Variants in KLHDC4 observed in about 807,000 individuals in gnomAD.
KLHDC4 encodes kelch domain containing 4.
A neutral mutation model predicts 62.4 loss-of-function variants in KLHDC4; 90 were observed. The observed-to-expected ratio is 1.44, with a 90% CI of 1.22 to 1.72. The LOEUF is 1.72. Among genes scored for constraint, KLHDC4 ranks in the 40% most tolerant of loss-of-function variants. The probability of loss-of-function intolerance (pLI) is 0.00; values close to 1 mark genes in which losing one functional copy is unlikely to be tolerated. For missense variants in KLHDC4, 1,025 were observed against 699.7 expected, an observed-to-expected ratio of 1.47 and a Z score of -5.25; for synonymous variants, 386 against 284.4, an observed-to-expected ratio of 1.36 and a Z score of -3.59.
At chr16:87,755,843 G>A (rs988009546) in intron 3 of KLHDC4, 1 of 163,524 alleles carries the variant, frequency 6.1e-6, no homozygotes, top group Admixed American at 5.7e-5. Context: ...GGGATTACAG[G>A]CATGAGCCAC....
chr16:87,729,275 G>A (rs1471661716), intron 6 of KLHDC4: 2 of 152,188 alleles, frequency 1.3e-5, no homozygotes, highest in Admixed American at 6.5e-5. Flanking sequence ...TATCACGATG[G>A]ATCAAGAATC....
chr16:87,707,254 G>A (rs1385782921), downstream of KLHDC4, among the ~76,000 whole-genome samples: 1 of 152,250 alleles, frequency 6.6e-6, no homozygotes, highest in Admixed American at 6.5e-5. Flanking sequence ...AGGAGGAGCT[G>A]GATGGGGACA....
At chr16:87,734,723 G>A (rs927608305) in intron 5 of KLHDC4, among the ~76,000 whole-genome samples, 1 of 152,148 alleles carries the variant, frequency 6.6e-6, no homozygotes, top group African/African-American at 2.4e-5. Context: ...ATACCCAGCA[G>A]GATCTCAGCT....
At chr16:87,706,327 G>C (rs916555506), downstream of KLHDC4, among the ~76,000 whole-genome samples, 1 of 133,714 alleles carries the variant, frequency 7.5e-6, no homozygotes, top group Non-Finnish European at 1.6e-5. Context: ...GCAGCCCTCG[G>C]AGAGGGGGAA....
exon 1 of KLHDC4, chr16:87,702,292 G>A (rs773159164): frequency 1.1e-5 from 5 of 456,328 alleles, no homozygotes. Context: ...TGGCAAGGAG[G>A]GCCGGTCTGC....
chr16:87,720,490 G>T (rs550218936), intron 7 of KLHDC4, among the ~76,000 whole-genome samples: 1 of 152,198 alleles, frequency 6.6e-6, no homozygotes, highest in African/African-American at 2.4e-5. Flanking sequence ...GCGACCGCAC[G>T]CACCGTGCCC....
rs1326401711 is a variant in KLHDC4, at chr16:87,748,727, T to G, written c.452A>C (p.His151Pro). The G allele has an allele frequency of 1.2e-6, 2 of 1,613,444 alleles. No individual in the cohort carries two copies. The highest frequency in any genetic ancestry group is 1.7e-6 in the Non-Finnish European group (2 of 1,179,940). Residue 151 changes from histidine (H) to proline (P), a missense_variant, in exon 5 of 12, where the codon CAC becomes CCC. Physicochemically the swap from His to Pro is moderately conservative, Grantham distance 77. Coordinates refer to ENST00000270583, the MANE Select transcript of KLHDC4 (RefSeq NM_017566.4). ...FASPNGEQFY[H>P]YKDLWVLHLA... is the part of the protein sequence containing the mutation. ...ATGCAGGACCCAGAGATCCTTGTAG[T>G]GGTAGAACTGCTCTCCGTTGGGAGA... is the stretch of plus-strand genomic sequence containing the variant.
intron 5 of KLHDC4, among the ~76,000 whole-genome samples, chr16:87,744,824 C>G (rs982112848): frequency 1.3e-5 from 2 of 151,916 alleles, no homozygotes; most frequent in Non-Finnish European, 2.9e-5. Context: ...TGTGCACGCA[C>G]CAGGTTCTCC....
At chr16:87,733,442 G>A (rs969487458) in intron 5 of KLHDC4, among the ~76,000 whole-genome samples, 1 of 152,204 alleles carries the variant, frequency 6.6e-6, no homozygotes, top group Non-Finnish European at 1.5e-5. Context: ...AATGGCTTTG[G>A]GCTGCAACAT....
chr16:87,708,674 C>A (rs1388303737), intron 10 of KLHDC4: 4 of 415,986 alleles, frequency 9.6e-6, no homozygotes, highest in Non-Finnish European at 1.7e-5. Flanking sequence ...TCCGAGACGG[C>A]AAACATGCAA....
chr16:87,729,679 G>A (rs2039995251), intron 6 of KLHDC4, among the ~76,000 whole-genome samples: 1 of 152,246 alleles, frequency 6.6e-6, no homozygotes, highest in African/African-American at 2.4e-5. Context: ...ACACCCACGT[G>A]ACATCAAAAG....
intron 4 of KLHDC4, among the ~76,000 whole-genome samples, chr16:87,749,993 T>C (rs1303899187): frequency 1.3e-5 from 2 of 152,106 alleles, no homozygotes; most frequent in Non-Finnish European, 2.9e-5. Flanking sequence ...CAGCAGGGGA[T>C]GCTGAGGAGA....
At chr16:87,705,676 A>C (rs571351364), downstream of KLHDC4, among the ~76,000 whole-genome samples, 46 of 152,382 alleles carry the variant, frequency 3.0e-4, no homozygotes, top group African/African-American at 1.1e-3. Flanking sequence ...CTACATTGAA[A>C]GCCAACAAGA....
At chr16:87,714,437 G>C in intron 8 of KLHDC4, 61 bp downstream of exon 8, 1 of 1,605,208 alleles carries the variant, frequency 6.2e-7, no homozygotes, top group East Asian at 2.2e-5. Flanking sequence ...GAGGGTGTGG[G>C]CTCTGCCTCC....
At chr16:87,730,006 T>G (rs2040058867) in intron 6 of KLHDC4, among the ~76,000 whole-genome samples, 3 of 152,168 alleles carry the variant, frequency 2.0e-5, no homozygotes, top group African/African-American at 7.2e-5. Flanking sequence ...CAGGCTGGAG[T>G]TCAGTGGCAT....
chr16:87,765,759 G>T (rs375617013), intron 1 of KLHDC4, 33 bp downstream of exon 1: 11 of 1,545,952 alleles, frequency 7.1e-6, no homozygotes, highest in African/African-American at 2.7e-5. Context: ...CGGCCGCGAC[G>T]TCGGGCCGCT....
chr16:87,751,512 G>A (rs1330498531), intron 4 of KLHDC4, among the ~76,000 whole-genome samples: 6 of 151,830 alleles, frequency 4.0e-5, no homozygotes, highest in Non-Finnish European at 8.8e-5. Flanking sequence ...TATGTGCAGA[G>A]AAAACATGCA....
chr16:87,712,913 T>G (rs952235895), intron 8 of KLHDC4, among the ~76,000 whole-genome samples: 1 of 152,244 alleles, frequency 6.6e-6, no homozygotes, highest in Non-Finnish European at 1.5e-5. Flanking sequence ...ATAAGAGAGC[T>G]GTCCCCTGGT....
chr16:87,747,185 A>C (rs1279983535), intron 5 of KLHDC4, among the ~76,000 whole-genome samples: 2 of 152,212 alleles, frequency 1.3e-5, no homozygotes, highest in Non-Finnish European at 1.5e-5. Flanking sequence ...GTCACCACAG[A>C]GGCACCGGAG....
Sources: allele counts gnomAD v4.1 joint callset (sites outside exome capture counted in the v4.1 genomes callset), GRCh38; gene constraint gnomAD v4.1.1; transcripts MANE v1.5; gene names NCBI Gene and HGNC (gene_info 2026-07-23, HGNC 2026-07-21).